Variants in ECT2L observed in about 807,000 individuals in gnomAD.
ECT2L encodes the protein epithelial cell transforming 2 like.
A neutral mutation model predicts 122.8 loss-of-function variants in ECT2L; 126 were observed. The observed-to-expected ratio is 1.03, with a 90% CI of 0.89 to 1.19. The LOEUF is 1.19. Among genes scored for constraint, ECT2L ranks in the 50% most tolerant of loss-of-function variants. The pLI, the probability that ECT2L is intolerant of heterozygous loss-of-function variation, is 0.00. For missense variants in ECT2L, 1,012 were observed against 1,064.1 expected, an observed-to-expected ratio of 0.95 and a Z score of 0.68; for synonymous variants, 385 against 381.8, an observed-to-expected ratio of 1.01 and a Z score of -0.10.
At chr6:138,900,409 G>A (rs1456532589) in intron 20 of ECT2L, among the ~76,000 whole-genome samples, 1 of 152,084 alleles carries the variant, frequency 6.6e-6, no homozygotes, top group African/African-American at 2.4e-5. Flanking sequence ...ACCATGCATG[G>A]CTAATTTTTG....
intron 4 of ECT2L, chr6:138,823,394 G>A (rs1776331838): frequency 1.2e-6 from 2 of 1,608,392 alleles, no homozygotes; most frequent in South Asian, 1.1e-5. Context: ...TTCTTATTAT[G>A]GGGGTGTGCT....
intron 16 of ECT2L, 21 bp from the exon 17 acceptor site, chr6:138,885,485 A>G (rs769792049): frequency 3.7e-6 from 6 of 1,612,654 alleles, no homozygotes; most frequent in South Asian, 1.1e-5. Context: ...AAGTTTTGAC[A>G]ATATAATCCT....
chr6:138,877,157 TG>T (rs199642602), intron 14 of ECT2L, among the ~76,000 whole-genome samples: 2,329 of 152,246 alleles, frequency 0.015, 34 homozygotes, highest in Admixed American at 0.047. Flanking sequence ...AAAAGTTACA[TG>T]GGGGAAAAAA....
chr6:138,822,104 G>A (rs574811062), intron 4 of ECT2L, among the ~76,000 whole-genome samples: 1 of 152,348 alleles, frequency 6.6e-6, no homozygotes, highest in African/African-American at 2.4e-5. Flanking sequence ...ACTAATACAA[G>A]CAGTGATTTG....
intron 13 of ECT2L, among the ~76,000 whole-genome samples, chr6:138,873,049 AAATG>A (rs976913006): frequency 7.5e-4 from 115 of 152,346 alleles, no homozygotes; most frequent in African/African-American, 2.6e-3. Context: ...ATAAAATTCA[AAATG>A]AATGAAGTCT....
At chr6:138,901,181 C>CT in intron 21 of ECT2L, 61 bp downstream of exon 21, 1 of 1,502,608 alleles carries the variant, frequency 6.7e-7, no homozygotes. Flanking sequence ...ATGTAAAGCT[C>CT]TTTAACAGAA....
chr6:138,885,414 T>G (rs1172818979), intron 16 of ECT2L, 92 bp from the exon 17 acceptor site: 1 of 1,283,444 alleles, frequency 7.8e-7, no homozygotes, highest in Non-Finnish European at 1.1e-6. Flanking sequence ...GCCCTTTTGC[T>G]TCAGGCATTC....
chr6:138,875,443 T>C (rs929562418), intron 13 of ECT2L, among the ~76,000 whole-genome samples: 24 of 152,246 alleles, frequency 1.6e-4, no homozygotes, highest in African/African-American at 4.3e-4. Context: ...AGGGTTGCCA[T>C]TGGTAGTTTT....
chr6:138,901,056 C>G lies in ECT2L; in HGVS notation c.2523C>G (p.Thr841=). The change falls in exon 21 of 22, where the codon ACC becomes ACG. Residue 841 remains threonine, a synonymous_variant. Transcript: ENST00000541398. ...HTPFERTSKT[T]YQFIASVALH... is the part of the protein sequence containing the mutation. Reference sequence around the variant, plus strand: ...CATTTGAGAGGACTTCAAAAACAACCTACCAGTTCATTGCATCAGTGGCCC... The same window carrying G: ...CATTTGAGAGGACTTCAAAAACAACGTACCAGTTCATTGCATCAGTGGCCC... 2 of 1,614,158 alleles carry G rather than the reference C, an allele frequency of 1.2e-6. No individual in the cohort carries two copies. The highest frequency in any genetic ancestry group is 1.7e-6 in the Non-Finnish European group (2 of 1,180,022).
At chr6:138,885,602 G>A in intron 17 of ECT2L, 23 bp downstream of exon 17, 2 of 1,614,108 alleles carry the variant, frequency 1.2e-6, no homozygotes, top group Non-Finnish European at 1.7e-6. Context: ...GGAGAGCACA[G>A]CAGGGGTCCC....
At position 138,902,862 on chromosome 6, in the gene ECT2L, T is replaced by C. The variant is rs1227414343; in HGVS notation, c.*235T>C. 3 of 431,432 alleles carry C rather than the reference T, an allele frequency of 7.0e-6. No individual in the cohort carries two copies. The highest frequency in any genetic ancestry group is 4.2e-5 in the Admixed American group (1 of 23,836). The allele number at this position is 431,432 out of a possible 1,614,324, so 26.7% of individuals were successfully genotyped here. A position where few individuals can be genotyped will look rare whatever the true frequency, so the allele number is the denominator to read the frequency against. On this transcript the variant is annotated 3_prime_UTR_variant, in exon 22 of 22. Transcript: ENST00000541398. ...TTTGAACTACTTCTTTTGGTAGCTGTATTTCATGGATAATATTATTTAGAG... is the reference window on the plus strand; with the variant it reads ...TTTGAACTACTTCTTTTGGTAGCTGCATTTCATGGATAATATTATTTAGAG...
At position 138,803,134 on chromosome 6, in the gene ECT2L, G is replaced by A. The variant is rs967757250; in HGVS notation, c.-244+6942G>A. ...GAGCCAGGAGCAGTTGGTTATGCCTGTAGCCCCAGCTACCCGGGAGGCTGA... is the reference window on the plus strand; with the variant it reads ...GAGCCAGGAGCAGTTGGTTATGCCTATAGCCCCAGCTACCCGGGAGGCTGA... On this transcript the variant is annotated intron_variant, in intron 1 of 21. Coordinates refer to ENST00000541398, the MANE Select transcript of ECT2L (RefSeq NM_001077706.3). Among the ~76,000 whole-genome samples the A allele has an allele frequency of 1.4e-4, 21 of 151,632 alleles. No individual in the cohort carries two copies. In the East Asian group the frequency reaches 2.1e-3, roughly 15 times the overall value.
Position 138,836,454 on chromosome 6 carries a change from A to T in ECT2L, c.180-1898A>T, listed in dbSNP as rs540062235. Among the ~76,000 whole-genome samples, 19 of 151,970 alleles carry T rather than the reference A, an allele frequency of 1.3e-4. No individual in the cohort carries two copies. In the South Asian group the frequency reaches 3.5e-3, roughly 28 times the overall value. ...CAAGCGTACACCACCATGCCCGGCT[A>T]ACTTTTGTATTTTTAGTAGAGACAG... On this transcript the variant is annotated intron_variant, in intron 4 of 21. Transcript: ENST00000541398.
intron 19 of ECT2L, among the ~76,000 whole-genome samples, chr6:138,887,743 A>G (rs1778876914): frequency 6.6e-6 from 1 of 152,152 alleles, no homozygotes; most frequent in African/African-American, 2.4e-5. Context: ...ACCTCTTTTC[A>G]CACATTTGTG....
At chr6:138,899,170 AAGAG>A (rs544779925) in intron 20 of ECT2L, among the ~76,000 whole-genome samples, 2 of 151,928 alleles carry the variant, frequency 1.3e-5, no homozygotes, top group African/African-American at 4.8e-5. Context: ...AAAATGAAGT[AAGAG>A]AGAGAGGGAG....
At position 138,885,842 on chromosome 6, in the gene ECT2L, A is replaced by G. The variant is rs377577756; in HGVS notation, c.2259+12A>G. 1,459 of 1,609,994 alleles carry G rather than the reference A, an allele frequency of 9.1e-4. 2 individuals carry two copies. Among genetic ancestry groups the G allele is most frequent in the Non-Finnish European group, 1.2e-3 (1,370 of 1,177,992 alleles). On this transcript the variant is annotated intron_variant, in intron 18 of 21. Coordinates refer to ENST00000541398, the MANE Select transcript of ECT2L (RefSeq NM_001077706.3). ...GTTATATAGATCAGGTTGGTTGCTG[A>G]TAAGAATCTGTGTCCTTTAAACATG...
At chr6:138,893,058 C>T (rs751964477) in intron 20 of ECT2L, among the ~76,000 whole-genome samples, 8 of 151,520 alleles carry the variant, frequency 5.3e-5, no homozygotes, top group Admixed American at 1.3e-4. Context: ...TATACCAGAG[C>T]CCTACTGCTG....
intron 6 of ECT2L, among the ~76,000 whole-genome samples, chr6:138,843,846 T>C (rs868167568): frequency 3.0e-4 from 45 of 152,248 alleles, no homozygotes; most frequent in African/African-American, 1.0e-3. Context: ...CACACCACCA[T>C]GCCTTGCTAA....
At position 138,868,136 on chromosome 6, in the gene ECT2L, A is replaced by G. The variant is rs368710255; in HGVS notation, c.1508A>G (p.Asn503Ser). The G allele has an allele frequency of 1.9e-5, 30 of 1,613,244 alleles. No homozygotes were observed. The African/African-American group carries it at 3.6e-4, about 19-fold the overall frequency. The change falls in exon 13 of 22, where the codon AAC becomes AGC. Residue 503 changes from asparagine (N) to serine (S), a missense_variant. Transcript: ENST00000541398. ...QFMFDTMGMT[N>S]ILNNQDTAQA... ...ATGTTTGACACCATGGGTATGACCA[A>G]CATTCTAAACAACCAAGATACTGCG...
Sources: gnomAD v4.1 joint callset for allele counts (sites outside exome capture counted in the v4.1 genomes callset) on GRCh38, gnomAD v4.1.1 for gene constraint, MANE v1.5 for transcripts, NCBI Gene and HGNC (gene_info 2026-07-23, HGNC 2026-07-21) for gene names.